MBNL2: variants seen among roughly 807,000 people sequenced by gnomAD.
MBNL2 encodes muscleblind like splicing regulator 2.
A neutral mutation model predicts 41.9 loss-of-function variants in MBNL2; 17 were observed. The observed-to-expected ratio is 0.41, with a 90% confidence interval of 0.28 to 0.61. The LOEUF (loss-of-function observed/expected upper bound fraction) is 0.61, where lower values mean the gene tolerates loss of function less well. Ranked by LOEUF, MBNL2 falls within the 20% of genes least tolerant of loss-of-function variation. The pLI, the probability that MBNL2 is intolerant of heterozygous loss-of-function variation, is 0.35. For synonymous variants in MBNL2, 195 were observed against 182.9 expected, an observed-to-expected ratio of 1.07 and a Z score of -0.53; for missense variants, 336 against 505.6, an observed-to-expected ratio of 0.66 and a Z score of 3.22.
In MBNL2 at chr13:97,391,514, G is replaced by A; in HGVS notation, c.*65G>A. 2 of 782,644 alleles carry A rather than the reference G, an allele frequency of 2.6e-6. No homozygotes were observed. Among genetic ancestry groups the A allele is most frequent in the Non-Finnish European group, 4.6e-6 (2 of 433,180 alleles). The allele number at this position is 782,644 out of a possible 1,614,324, so 48.5% of individuals were successfully genotyped here. ...AAGCTAGTGCTGCTATCTCATATAT[G>A]AGTATTAAATATGGTATGCTTAGTA... is the stretch of plus-strand genomic sequence containing the variant. On this transcript the variant is annotated 3_prime_UTR_variant, in exon 9 of 9. Transcript: ENST00000679496.
At chr13:97,282,578 T>C (rs1174102663) in intron 2 of MBNL2, among the ~76,000 whole-genome samples, 1 of 152,220 alleles carries the variant, frequency 6.6e-6, no homozygotes, top group East Asian at 1.9e-4. Context: ...TGTTGGTGTG[T>C]GTGTGTGCCC....
At chr13:97,165,544 A>G in the MBNL2 span, among the ~76,000 whole-genome samples, 2 of 152,214 alleles carry the variant, frequency 1.3e-5, no homozygotes, top group African/African-American at 2.4e-5. Flanking sequence ...TAGGGTTTAC[A>G]TAGCTTGAAA....
chr13:97,241,608 C>CT (rs757077087), intron 1 of MBNL2, among the ~76,000 whole-genome samples: 18 of 152,172 alleles, frequency 1.2e-4, no homozygotes, highest in Non-Finnish European at 2.4e-4. Flanking sequence ...TATCCTGATG[C>CT]TAGGTAATGA....
chr13:97,370,667 CAA>C (rs35877156), intron 8 of MBNL2, among the ~76,000 whole-genome samples: 4 of 137,722 alleles, frequency 2.9e-5, no homozygotes, highest in Non-Finnish European at 3.2e-5. Context: ...GAAACTCCGT[CAA>C]AAAAAAAAAA....
the MBNL2 span, among the ~76,000 whole-genome samples, chr13:97,198,629 C>T: frequency 6.6e-6 from 1 of 151,798 alleles, no homozygotes; most frequent in Non-Finnish European, 1.5e-5. Flanking sequence ...CCTTGACTTC[C>T]CTTCCACTCA....
At chr13:97,160,168 T>C in the MBNL2 span, among the ~76,000 whole-genome samples, 28 of 152,316 alleles carry the variant, frequency 1.8e-4, no homozygotes, top group Middle Eastern at 3.4e-3. Context: ...AAGCTCTCTG[T>C]TGTAACATTA....
At chr13:97,146,150 C>A in the MBNL2 span, among the ~76,000 whole-genome samples, 595 of 141,820 alleles carry the variant, frequency 4.2e-3, 6 homozygotes, top group African/African-American at 0.017. Context: ...GCCACTACAA[C>A]CGGCTAATTT....
intron 1 of MBNL2, among the ~76,000 whole-genome samples, chr13:97,236,927 CT>C (rs368152051): frequency 5.3e-5 from 8 of 150,416 alleles, no homozygotes; most frequent in South Asian, 4.2e-4. Context: ...GCTTAAGAGA[CT>C]TTTTTTTTTC....
chr13:97,365,404 G>A (rs2063768863), intron 8 of MBNL2, among the ~76,000 whole-genome samples: 1 of 152,148 alleles, frequency 6.6e-6, no homozygotes, highest in African/African-American at 2.4e-5. Context: ...AAAGCCACAA[G>A]TACGAGTCTG....
At chr13:97,153,240 C>G in the MBNL2 span, among the ~76,000 whole-genome samples, 1 of 152,028 alleles carries the variant, frequency 6.6e-6, no homozygotes, top group African/African-American at 2.4e-5. Context: ...CACTGTCTCT[C>G]AATCCAAACA....
At chr13:97,267,263 G>A (rs912150346) in intron 1 of MBNL2, among the ~76,000 whole-genome samples, 3 of 152,222 alleles carry the variant, frequency 2.0e-5, no homozygotes, top group African/African-American at 2.4e-5. Flanking sequence ...GAATGTGAGC[G>A]GCAAGTTCTT....
At chr13:97,160,386 A>G in the MBNL2 span, among the ~76,000 whole-genome samples, 37 of 152,342 alleles carry the variant, frequency 2.4e-4, no homozygotes, top group Non-Finnish European at 1.2e-4. Flanking sequence ...CAAGTTAAGT[A>G]TAAGTCCACT....
At chr13:97,324,914 T>A (rs1448561007) in intron 2 of MBNL2, among the ~76,000 whole-genome samples, 1 of 152,164 alleles carries the variant, frequency 6.6e-6, no homozygotes, top group Non-Finnish European at 1.5e-5. Flanking sequence ...GCCTGCTTTT[T>A]TCTAGCCTTG....
chr13:97,162,355 G>A, the MBNL2 span, among the ~76,000 whole-genome samples: 121 of 152,226 alleles, frequency 7.9e-4, no homozygotes, highest in African/African-American at 2.2e-3. Context: ...GGAAAGAGAC[G>A]GCTTACTGGA....
At chr13:97,375,808 C>T (rs2064909662) in intron 8 of MBNL2, among the ~76,000 whole-genome samples, 1 of 152,148 alleles carries the variant, frequency 6.6e-6, no homozygotes, top group Non-Finnish European at 1.5e-5. Flanking sequence ...GACTTTATAT[C>T]TCATGATAGA....
Position 97,334,472 on chromosome 13 carries a change from A to G in MBNL2, c.339+32A>G, listed in dbSNP as rs779165738. 4.5e-6 allele frequency: 7 copies of G among 1,559,944 alleles called. No individual in the cohort carries two copies. Among genetic ancestry groups the G allele is most frequent in the Non-Finnish European group, 6.1e-6 (7 of 1,144,602 alleles). On this transcript the variant is annotated intron_variant, in intron 3 of 8. Transcript: ENST00000679496. The surrounding 1 kb of genome is among the most constrained non-coding windows in gnomAD (Gnocchi z 5.3). ...ACATCTTTATTCAGTGATGAGTTGG[A>G]TGGTTACAGTGTTGGTATGGATGAT...
At chr13:97,325,323 C>A (rs1027852721) in intron 2 of MBNL2, among the ~76,000 whole-genome samples, 5 of 152,152 alleles carry the variant, frequency 3.3e-5, no homozygotes, top group African/African-American at 9.7e-5. Flanking sequence ...AATTAACAAT[C>A]CTTATCGGTA....
Position 97,365,448 on chromosome 13 carries a change from A to C in MBNL2, c.1048+277A>C, listed in dbSNP as rs755669836. 5.1e-4 allele frequency among the ~76,000 whole-genome samples: 77 copies of C among 152,126 alleles called. 1 individual carries two copies. The highest frequency in any genetic ancestry group is 1.8e-4 in the Non-Finnish European group (12 of 68,020). ...TGATTTGTGTTTTGTTTCTCTTTAT[A>C]GTTTATATGGTATAGCGTAAGGAAC... is the stretch of plus-strand genomic sequence containing the variant. On this transcript the variant is annotated intron_variant, in intron 8 of 8. Transcript: ENST00000679496.
chr13:97,178,029 G>A, the MBNL2 span, among the ~76,000 whole-genome samples: 1 of 152,176 alleles, frequency 6.6e-6, no homozygotes, highest in Admixed American at 6.5e-5. Flanking sequence ...TCCTGGAGAT[G>A]TTGCACTACC....
Sources: gnomAD v4.1 joint callset for allele counts (sites outside exome capture counted in the v4.1 genomes callset) on GRCh38, gnomAD v4.1.1 for gene constraint, Gnocchi (gnomAD v3.1) non-coding constraint, MANE v1.5 for transcripts, NCBI Gene and HGNC (gene_info 2026-07-23, HGNC 2026-07-21) for gene names.